NXPE2: variants seen among roughly 807,000 people sequenced by gnomAD.
NXPE2 encodes the protein neurexophilin and PC-esterase domain family member 2, also known as NXPE family member 2.
In NXPE2, 34 loss-of-function variants were observed where a neutral mutation model predicts 34.4. The observed-to-expected ratio is 0.99, with a 90% CI of 0.75 to 1.31. The LOEUF (loss-of-function observed/expected upper bound fraction) is 1.31, where lower values mean the gene tolerates loss of function less well. NXPE2 is among the 40% of genes most tolerant of loss of function. The probability of loss-of-function intolerance (pLI) is 0.00; values close to 1 mark genes in which losing one functional copy is unlikely to be tolerated. For synonymous variants in NXPE2, 235 were observed against 231.3 expected (o/e 1.02, Z -0.15); for missense variants, 649 against 672.5 (o/e 0.97, Z 0.39).
chr11:114,525,582 T>C, the NXPE2 span, among the ~76,000 whole-genome samples: 1 of 152,094 alleles, frequency 6.6e-6, no homozygotes, highest in South Asian at 2.1e-4. Flanking sequence ...CCCTTACTAT[T>C]CTTAAAATTA....
chr11:114,781,565 A>C, the NXPE2 span, among the ~76,000 whole-genome samples: 3 of 152,162 alleles, frequency 2.0e-5, no homozygotes, highest in African/African-American at 7.2e-5. Flanking sequence ...ATCCAGCAAG[A>C]TGAATCATCA....
At chr11:114,719,742 C>A in the NXPE2 span, among the ~76,000 whole-genome samples, 15 of 152,360 alleles carry the variant, frequency 9.8e-5, no homozygotes, top group East Asian at 2.7e-3. Flanking sequence ...TCCTCTGAAG[C>A]AGTTTCCTGG....
At chr11:114,721,380 C>T in the NXPE2 span, among the ~76,000 whole-genome samples, 1 of 151,820 alleles carries the variant, frequency 6.6e-6, no homozygotes, top group Non-Finnish European at 1.5e-5. Flanking sequence ...AATCACAAAA[C>T]CTGTCTCTGC....
chr11:114,616,899 C>G, the NXPE2 span, among the ~76,000 whole-genome samples: 1 of 151,832 alleles, frequency 6.6e-6, no homozygotes, highest in South Asian at 2.1e-4. Flanking sequence ...TAGGTATTGT[C>G]TCGTGGGTAA....
At chr11:114,633,274 T>G in the NXPE2 span, among the ~76,000 whole-genome samples, 1 of 134,486 alleles carries the variant, frequency 7.4e-6, no homozygotes, top group African/African-American at 2.9e-5. Context: ...TTATATAGTA[T>G]TATGTTATAT....
the NXPE2 span, among the ~76,000 whole-genome samples, chr11:114,627,207 C>A: frequency 6.6e-6 from 1 of 151,970 alleles, no homozygotes; most frequent in African/African-American, 2.4e-5. Flanking sequence ...AACCCCAAGA[C>A]ACATAATTGT....
the NXPE2 span, among the ~76,000 whole-genome samples, chr11:114,607,261 C>A: frequency 4.0e-5 from 6 of 151,822 alleles, no homozygotes; most frequent in African/African-American, 1.5e-4. Flanking sequence ...ATACGTGTTG[C>A]CTCATGGGTA....
chr11:114,528,248 A>C, the NXPE2 span, among the ~76,000 whole-genome samples: 2 of 152,156 alleles, frequency 1.3e-5, no homozygotes, highest in Non-Finnish European at 2.9e-5. Flanking sequence ...TCCTTGGATT[A>C]CTGTGAGCCT....
chr11:114,476,880 G>A, the NXPE2 span, among the ~76,000 whole-genome samples: 1 of 152,140 alleles, frequency 6.6e-6, no homozygotes, highest in African/African-American at 2.4e-5. Context: ...AGGACGAGCT[G>A]GTTGTGGAAG....
the NXPE2 span, among the ~76,000 whole-genome samples, chr11:114,627,624 T>C: frequency 1.3e-5 from 2 of 150,972 alleles, no homozygotes; most frequent in Non-Finnish European, 2.9e-5. Flanking sequence ...ACGAGCAAAA[T>C]AACCACTTAA....
At chr11:114,639,744 TATA>T in the NXPE2 span, among the ~76,000 whole-genome samples, 5 of 128,606 alleles carry the variant, frequency 3.9e-5, no homozygotes, top group Non-Finnish European at 6.3e-5. Context: ...TAAAATAATA[TATA>T]ATATATATTA....
At chr11:114,602,440 T>C in the NXPE2 span, among the ~76,000 whole-genome samples, 1 of 133,874 alleles carries the variant, frequency 7.5e-6, no homozygotes, top group African/African-American at 2.7e-5. Flanking sequence ...AATTATAATA[T>C]ATAATATATA....
chr11:114,755,386 A>G, the NXPE2 span, among the ~76,000 whole-genome samples: 77 of 152,300 alleles, frequency 5.1e-4, no homozygotes, highest in South Asian at 0.015. Flanking sequence ...TGTAGATGCT[A>G]TCCTGATTCA....
chr11:114,807,312 T>C, the NXPE2 span, among the ~76,000 whole-genome samples: 1 of 152,170 alleles, frequency 6.6e-6, no homozygotes, highest in Non-Finnish European at 1.5e-5. Context: ...GCTAACATCA[T>C]AATGACAGGA....
chr11:114,795,742 C>T, the NXPE2 span, among the ~76,000 whole-genome samples: 4 of 152,220 alleles, frequency 2.6e-5, no homozygotes, highest in Non-Finnish European at 2.9e-5. Flanking sequence ...CCACCATGCA[C>T]CTGTGCATGT....
chr11:114,535,291 T>C, the NXPE2 span, among the ~76,000 whole-genome samples: 3 of 152,120 alleles, frequency 2.0e-5, no homozygotes, highest in African/African-American at 7.2e-5. Context: ...GCACTAAACA[T>C]GGAAAGGAGC....
chr11:114,732,697 A>G, the NXPE2 span, among the ~76,000 whole-genome samples: 1 of 152,054 alleles, frequency 6.6e-6, no homozygotes, highest in Non-Finnish European at 1.5e-5. Flanking sequence ...TTTCTTAAAA[A>G]TTCTCTCTGT....
chr11:114,495,766 A>C, the NXPE2 span, among the ~76,000 whole-genome samples: 1 of 152,028 alleles, frequency 6.6e-6, no homozygotes, highest in African/African-American at 2.4e-5. Context: ...CTTTAACGCA[A>C]GGGGTTCCCT....
At chr11:114,710,458 T>A (rs1859591606), downstream of NXPE2, among the ~76,000 whole-genome samples, 1 of 152,184 alleles carries the variant, frequency 6.6e-6, no homozygotes, top group East Asian at 1.9e-4. Flanking sequence ...GAGACTACTA[T>A]GAACAATTGT....
Sources: allele counts gnomAD v4.1 joint callset (sites outside exome capture counted in the v4.1 genomes callset), GRCh38; gene constraint gnomAD v4.1.1; transcripts MANE v1.5; gene names NCBI Gene and HGNC (gene_info 2026-07-23, HGNC 2026-07-21).